The following EFR3A variants were observed in gnomAD, a reference collection of about 807,000 sequenced individuals.
The protein encoded by EFR3A is EFR3 homolog A, also known as protein EFR3 homolog A.
EFR3A carries 76 observed loss-of-function variants against 104.4 expected under a neutral mutation model. The ratio of observed to expected loss-of-function variants is 0.73; its 90% CI spans 0.60 to 0.88. The LOEUF is 0.88. EFR3A is among the 40% of genes least tolerant of loss of function. The pLI is 0.00. For synonymous variants in EFR3A, 330 were observed against 330.0 expected (o/e 1.00, Z 0.00); for missense variants, 985 against 1,012.5 (o/e 0.97, Z 0.37).
chr8:131,993,288 C>T (rs1821296897), intron 18 of EFR3A, among the ~76,000 whole-genome samples: 1 of 152,166 alleles, frequency 6.6e-6, no homozygotes, highest in Admixed American at 6.5e-5. Context: ...CATAACTATA[C>T]ATCATCCACA....
intron 19 of EFR3A, among the ~76,000 whole-genome samples, chr8:131,999,047 T>C (rs1187948888): frequency 6.6e-6 from 1 of 152,088 alleles, no homozygotes; most frequent in Non-Finnish European, 1.5e-5. Context: ...TCCTTATATA[T>C]GCATAACTGA....
Position 131,944,788 on chromosome 8 carries a change from C to G in EFR3A, c.131C>G (p.Ala44Gly). The G allele has an allele frequency of 6.2e-7, 1 of 1,606,334 alleles. No individual in the cohort carries two copies. The highest frequency in any genetic ancestry group is 1.1e-5 in the South Asian group (1 of 89,674). The change falls in exon 3 of 23, where the codon GCA becomes GGA. Residue 44 changes from alanine (A) to glycine (G), a missense_variant. Physicochemically the swap from Ala to Gly is moderately conservative, Grantham distance 60. Transcript: ENST00000254624. ...GATATGGAGAAATTGACATTTTATG[C>G]AGTATCTGCTCCAGAGAAACTGGAT... ...KTDMEKLTFY[A>G]VSAPEKLDRI...
At chr8:131,949,907 A>T in intron 4 of EFR3A, 62 bp from the exon 5 acceptor site, 1 of 1,389,412 alleles carries the variant, frequency 7.2e-7, no homozygotes. Context: ...GTATGAAATT[A>T]AATGTATTTG....
At chr8:131,952,869 A>G (rs558280154) in intron 5 of EFR3A, among the ~76,000 whole-genome samples, 108 of 152,244 alleles carry the variant, frequency 7.1e-4, no homozygotes, top group Non-Finnish European at 1.4e-3. Flanking sequence ...CATATCTTCT[A>G]TTCTTTAAAC....
In EFR3A at chr8:131,970,461, A is replaced by C. The variant is rs1819984890; in HGVS notation, c.992-15A>C. The C allele has an allele frequency of 1.2e-6, 2 of 1,611,216 alleles. No individual in the cohort carries two copies. The highest frequency in any genetic ancestry group is 1.7e-6 in the Non-Finnish European group (2 of 1,178,204). ...CTAGAAACATGTATCTTCTCACATA[A>C]GTGATCCTTTATAGGTCCGACAGTG... is the stretch of plus-strand genomic sequence containing the variant. On this transcript the variant is annotated splice_polypyrimidine_tract_variant and intron_variant, in intron 9 of 22. Transcript: ENST00000254624.
At chr8:131,999,616 C>G (rs1355593687) in intron 19 of EFR3A, among the ~76,000 whole-genome samples, 1 of 151,412 alleles carries the variant, frequency 6.6e-6, no homozygotes, top group Non-Finnish European at 1.5e-5. Flanking sequence ...TAGTAGCTCA[C>G]CAAATAAAGT....
Position 131,953,798 on chromosome 8 carries a change from CTTTT to C in EFR3A, c.489-8_489-5del, listed in dbSNP as rs112472883. The C allele has an allele frequency of 2.3e-5, 31 of 1,360,006 alleles. No homozygotes were observed. The highest frequency in any genetic ancestry group is 1.5e-4 in the Admixed American group (5 of 33,388). The allele number at this position is 1,360,006 out of a possible 1,614,324, so 84.2% of individuals were successfully genotyped here. On this transcript the variant is annotated splice_polypyrimidine_tract_variant and intron_variant, in intron 5 of 22. Transcript: ENST00000254624. Reference sequence around the variant, plus strand: ...AATTTTTTTATGGCTCATTTTCTTCCTTTTTTTTTTTTTTTATAGGATACGAATT... The same window carrying C: ...AATTTTTTTATGGCTCATTTTCTTCCTTTTTTTTTTTATAGGATACGAATT...
chr8:131,909,196 A>G (rs1816391190), intron 1 of EFR3A, among the ~76,000 whole-genome samples: 1 of 152,250 alleles, frequency 6.6e-6, no homozygotes, highest in African/African-American at 2.4e-5. Context: ...GGAGTCAGAT[A>G]AGTTATTCTT....
chr8:131,953,175 C>G (rs536102297), intron 5 of EFR3A, among the ~76,000 whole-genome samples: 1 of 152,152 alleles, frequency 6.6e-6, no homozygotes, highest in Admixed American at 6.6e-5. Context: ...GTGCTCTGAT[C>G]TGGGATGGGA....
intron 5 of EFR3A, among the ~76,000 whole-genome samples, chr8:131,951,080 T>G (rs1818678691): frequency 6.6e-6 from 1 of 152,158 alleles, no homozygotes; most frequent in South Asian, 2.1e-4. Context: ...TACTTTTATT[T>G]TAAGATAATT....
At chr8:131,989,819 G>T (rs1821073547) in intron 18 of EFR3A, among the ~76,000 whole-genome samples, 1 of 152,188 alleles carries the variant, frequency 6.6e-6, no homozygotes, top group Non-Finnish European at 1.5e-5. Flanking sequence ...TAGATCTAGA[G>T]AAAGAATGAT....
At chr8:131,916,823 TATG>T (rs1460542716) in intron 1 of EFR3A, among the ~76,000 whole-genome samples, 3 of 152,234 alleles carry the variant, frequency 2.0e-5, no homozygotes, top group Non-Finnish European at 4.4e-5. Context: ...TTTGATCTGA[TATG>T]ATGACAATAA....
At chr8:131,980,892 A>G (rs1241092575) in intron 14 of EFR3A, among the ~76,000 whole-genome samples, 3 of 152,034 alleles carry the variant, frequency 2.0e-5, no homozygotes, top group African/African-American at 4.8e-5. Flanking sequence ...TAAATTCCAC[A>G]TATAAGTGAG....
At chr8:131,946,751 T>A in intron 4 of EFR3A, 118 bp downstream of exon 4, 1 of 923,434 alleles carries the variant, frequency 1.1e-6, no homozygotes, top group Non-Finnish European at 1.5e-6. Flanking sequence ...ATTTGAACAG[T>A]CAACACAAAT....
chr8:131,993,665 G>A (rs1487595393), intron 18 of EFR3A, among the ~76,000 whole-genome samples: 2 of 151,592 alleles, frequency 1.3e-5, no homozygotes, highest in East Asian at 1.9e-4. Context: ...GGAGGCCGAG[G>A]TAGGAGGATT....
chr8:131,946,957 G>T (rs1479457403), intron 4 of EFR3A, among the ~76,000 whole-genome samples: 1 of 151,926 alleles, frequency 6.6e-6, no homozygotes, highest in Non-Finnish European at 1.5e-5. Flanking sequence ...CATTAATTAA[G>T]GTTGTTTCCA....
chr8:131,994,249 GAA>G (rs1037343597), intron 18 of EFR3A, among the ~76,000 whole-genome samples: 1 of 138,784 alleles, frequency 7.2e-6, no homozygotes, highest in African/African-American at 2.6e-5. Context: ...GTCTCAGGAA[GAA>G]AAAAAAAAAA....
At chr8:131,924,093 T>G (rs1817183532) in intron 1 of EFR3A, 1 of 441,948 alleles carries the variant, frequency 2.3e-6, no homozygotes, top group Admixed American at 2.5e-5. Flanking sequence ...TCTTAGGTCA[T>G]AAAATGAATG....
At chr8:132,008,540 C>T (rs1457181911) in intron 22 of EFR3A, among the ~76,000 whole-genome samples, 1 of 151,812 alleles carries the variant, frequency 6.6e-6, no homozygotes, top group Non-Finnish European at 1.5e-5. Flanking sequence ...TATTAAGTAA[C>T]AGAAATCAGA....
Sources: gnomAD v4.1 joint callset for allele counts (sites outside exome capture counted in the v4.1 genomes callset) on GRCh38, gnomAD v4.1.1 for gene constraint, MANE v1.5 for transcripts, NCBI Gene and HGNC (gene_info 2026-07-23, HGNC 2026-07-21) for gene names.